The following OVOL2 variants were observed in gnomAD, a reference collection of about 807,000 sequenced individuals.
OVOL2 encodes the protein ovo like zinc finger 2, also known as transcription factor Ovo-like 2.
OVOL2 carries 13 observed loss-of-function variants against 18.1 expected under a neutral mutation model. The observed-to-expected ratio is 0.72, with a 90% confidence interval of 0.47 to 1.14. The LOEUF (loss-of-function observed/expected upper bound fraction) is 1.14, where lower values mean the gene tolerates loss of function less well. OVOL2 is among the 50% of genes most tolerant of loss of function. The probability of loss-of-function intolerance (pLI) is 0.00; values close to 1 mark genes in which losing one functional copy is unlikely to be tolerated. For missense variants in OVOL2, 335 were observed against 383.0 expected, an observed-to-expected ratio of 0.87 and a Z score of 1.05; for synonymous variants, 166 against 162.7, an observed-to-expected ratio of 1.02 and a Z score of -0.16.
chr20:18,052,154 G>C (rs1435235163), intron 2 of OVOL2, among the ~76,000 whole-genome samples: 1 of 152,170 alleles, frequency 6.6e-6, no homozygotes, highest in Non-Finnish European at 1.5e-5. Context: ...GAAACATTAG[G>C]CACATGGTGA....
At chr20:18,034,877 C>T (rs1297757761) in intron 3 of OVOL2, among the ~76,000 whole-genome samples, 2 of 151,980 alleles carry the variant, frequency 1.3e-5, no homozygotes, top group Non-Finnish European at 2.9e-5. Context: ...ATGGGGGAGT[C>T]GGGGGTGGTG....
chr20:18,041,747 G>A (rs2036671828), intron 2 of OVOL2, 24 bp from the exon 3 acceptor site: 2 of 1,597,328 alleles, frequency 1.3e-6, no homozygotes, highest in East Asian at 2.2e-5. Flanking sequence ...GAGGCCATGA[G>A]GGTCCCCGGG....
intron 3 of OVOL2, among the ~76,000 whole-genome samples, chr20:18,031,020 C>T (rs1403189573): frequency 6.6e-6 from 1 of 152,198 alleles, no homozygotes; most frequent in African/African-American, 2.4e-5. Context: ...GCCAAGGCCC[C>T]TCCCACCACT....
chr20:18,030,774 T>C (rs2036561620), intron 3 of OVOL2, among the ~76,000 whole-genome samples: 2 of 152,212 alleles, frequency 1.3e-5, no homozygotes, highest in Non-Finnish European at 2.9e-5. Context: ...GTTATGGCAC[T>C]TCTGACTTTT....
intron 2 of OVOL2, among the ~76,000 whole-genome samples, chr20:18,044,646 C>A (rs1053309410): frequency 6.6e-6 from 1 of 152,122 alleles, no homozygotes; most frequent in East Asian, 1.9e-4. Flanking sequence ...AATCCCCAGT[C>A]CCTAGGAAGC....
At chr20:18,039,948 C>A (rs557729904) in intron 3 of OVOL2, among the ~76,000 whole-genome samples, 1 of 152,088 alleles carries the variant, frequency 6.6e-6, no homozygotes, top group African/African-American at 2.4e-5. Context: ...CCCTTGAGAC[C>A]GGGTCTTGCT....
intron 2 of OVOL2, among the ~76,000 whole-genome samples, chr20:18,045,781 G>A (rs1289496029): frequency 1.3e-5 from 2 of 152,112 alleles, no homozygotes; most frequent in East Asian, 3.9e-4. Context: ...GACTTGCCAG[G>A]AAGCTTTATA....
intron 2 of OVOL2, among the ~76,000 whole-genome samples, chr20:18,045,357 T>A (rs2036715752): frequency 6.6e-6 from 1 of 152,216 alleles, no homozygotes; most frequent in Admixed American, 6.5e-5. Flanking sequence ...CCTGCAACTG[T>A]CTTTTGAAAG....
chr20:18,044,445 G>C (rs1409275785), intron 2 of OVOL2, among the ~76,000 whole-genome samples: 1 of 152,168 alleles, frequency 6.6e-6, no homozygotes, highest in Non-Finnish European at 1.5e-5. Flanking sequence ...CGGCAGCTGG[G>C]AGCAGGTGGC....
chr20:18,057,540 A>AT lies in OVOL2; in HGVS notation c.94dup (p.Ile32AsnfsTer91). The AT allele has an allele frequency of 1.3e-6, 2 of 1,550,932 alleles. No individual in the cohort carries two copies. The highest frequency in any genetic ancestry group is 1.7e-6 in the Non-Finnish European group (2 of 1,147,262). ...CGGCCCCCGCGCGCGCTCACCTGGGATGTAGGTGTCTGCCCTTTTCTCATC... is the reference window on the plus strand; with the variant it reads ...CGGCCCCCGCGCGCGCTCACCTGGGATTGTAGGTGTCTGCCCTTTTCTCATC... On this transcript the variant is annotated frameshift_variant, in exon 1 of 4. Transcript: ENST00000278780. LOFTEE classifies it high-confidence loss of function. This position sits in a 1 kb window ranked among gnomAD's most constrained non-coding sequence, Gnocchi z 6.3.
chr20:18,057,528 C>T lies in OVOL2; in HGVS notation c.100+7G>A. The T allele has an allele frequency of 1.3e-6, 2 of 1,565,604 alleles. No homozygotes were observed. The highest frequency in any genetic ancestry group is 1.9e-5 in the Admixed American group (1 of 53,604). ...AGCGCCCAGGCCCGGCCCCCGCGCG[C>T]GCTCACCTGGGATGTAGGTGTCTGC... is the stretch of plus-strand genomic sequence containing the variant. On this transcript the variant is annotated splice_region_variant and intron_variant, in intron 1 of 3. Coordinates refer to ENST00000278780, the MANE Select transcript of OVOL2 (RefSeq NM_021220.4). This position sits in a 1 kb window ranked among gnomAD's most constrained non-coding sequence, Gnocchi z 6.3.
intron 2 of OVOL2, among the ~76,000 whole-genome samples, chr20:18,048,175 T>C (rs1411030397): frequency 6.6e-6 from 1 of 151,746 alleles, no homozygotes; most frequent in African/African-American, 2.4e-5. Context: ...TAGTCCCAGC[T>C]ACTCAGGAGG....
In OVOL2 at chr20:18,024,345, C is replaced by T. The variant is rs2036487987; in HGVS notation, c.*291G>A. On this transcript the variant is annotated 3_prime_UTR_variant, in exon 4 of 4. Coordinates refer to ENST00000278780, the MANE Select transcript of OVOL2 (RefSeq NM_021220.4). ...TACCTCTCCTTCCGTGTGTGAAAATCCTTGGGGGAAAAAAAAATCCCACAC... is the reference window on the plus strand; with the variant it reads ...TACCTCTCCTTCCGTGTGTGAAAATTCTTGGGGGAAAAAAAAATCCCACAC... 4 of 353,684 alleles carry T rather than the reference C, an allele frequency of 1.1e-5. No individual in the cohort carries two copies. Among genetic ancestry groups the T allele is most frequent in the Non-Finnish European group, 2.0e-5 (4 of 203,160 alleles). 21.9% of individuals were successfully genotyped at this position (353,684 alleles called of 1,614,324 possible).
chr20:18,041,323 C>T (rs41276410), intron 3 of OVOL2, among the ~76,000 whole-genome samples: 5,180 of 152,190 alleles, frequency 0.034, 116 homozygotes, highest in Middle Eastern at 0.051. Flanking sequence ...CCACCACGCC[C>T]AGCTAATTTT....
intron 2 of OVOL2, among the ~76,000 whole-genome samples, chr20:18,055,113 A>G (rs1400175241): frequency 1.3e-5 from 2 of 152,162 alleles, no homozygotes; most frequent in African/African-American, 4.8e-5. Flanking sequence ...CACACAGGCA[A>G]CTAATCTAGG....
rs1191019946 is a variant in OVOL2, at chr20:18,056,800, TGCTGCC to T, written c.172_177del (p.Gly58_Ser59del). ...GCTCCTCCAGGCTCCCCCGCGCTGC[TGCTGCC>T]GCTGCCGCTGCTGCTGCCGCCGTCG... On this transcript the variant is annotated inframe_deletion, in exon 2 of 4. Transcript: ENST00000278780. The surrounding 1 kb of genome is among the most constrained non-coding windows in gnomAD (Gnocchi z 4.2). 1.3e-6 allele frequency: 2 copies of T among 1,492,852 alleles called. No individual in the cohort carries two copies. The highest frequency in any genetic ancestry group is 1.8e-6 in the Non-Finnish European group (2 of 1,128,556). The allele number at this position is 1,492,852 out of a possible 1,614,324, so 92.5% of individuals were successfully genotyped here.
intron 3 of OVOL2, among the ~76,000 whole-genome samples, chr20:18,026,781 C>T (rs2036523031): frequency 6.6e-6 from 1 of 152,102 alleles, no homozygotes; most frequent in South Asian, 2.1e-4. Context: ...TGTGGTCTTG[C>T]CTGAGGTCAG....
chr20:18,031,016 G>A (rs1237417512), intron 3 of OVOL2, among the ~76,000 whole-genome samples: 1 of 152,168 alleles, frequency 6.6e-6, no homozygotes, highest in Non-Finnish European at 1.5e-5. Flanking sequence ...TGATGCCAAG[G>A]CCCCTCCCAC....
At chr20:18,029,454 A>G (rs1013996618) in intron 3 of OVOL2, among the ~76,000 whole-genome samples, 10 of 152,198 alleles carry the variant, frequency 6.6e-5, no homozygotes, top group African/African-American at 2.2e-4. Context: ...AGTTCTAAAT[A>G]AATGCACATT....
Sources: allele counts gnomAD v4.1 joint callset (sites outside exome capture counted in the v4.1 genomes callset), GRCh38; gene constraint gnomAD v4.1.1; non-coding constraint Gnocchi (gnomAD v3.1); transcripts MANE v1.5; gene names NCBI Gene and HGNC (gene_info 2026-07-23, HGNC 2026-07-21).